The following UNC13C variants were observed in gnomAD, a reference collection of about 807,000 sequenced individuals.
The protein encoded by UNC13C is unc-13 homolog C.
A neutral mutation model predicts 245.4 loss-of-function variants in UNC13C; 174 were observed. That is an observed-to-expected ratio of 0.71 (90% CI 0.63 to 0.80). UNC13C has a LOEUF of 0.80. UNC13C is among the 30% of genes least tolerant of loss of function. The pLI, the probability that UNC13C is intolerant of heterozygous loss-of-function variation, is 0.00. For synonymous variants in UNC13C, 992 were observed against 895.1 expected (o/e 1.11, Z -1.93); for missense variants, 2,829 against 2,602.9 (o/e 1.09, Z -1.89).
chr15:54,267,897 T>C (rs1008466954), intron 10 of UNC13C, among the ~76,000 whole-genome samples: 1 of 152,062 alleles, frequency 6.6e-6, no homozygotes, highest in Non-Finnish European at 1.5e-5. Context: ...ATATTAGGCC[T>C]CCTGAAGTTG....
chr15:54,594,970 C>G (rs1898996934), intron 30 of UNC13C, among the ~76,000 whole-genome samples: 1 of 152,168 alleles, frequency 6.6e-6, no homozygotes, highest in Non-Finnish European at 1.5e-5. Context: ...TTTACAAGCT[C>G]TTTGTTCTTA....
intron 4 of UNC13C, among the ~76,000 whole-genome samples, chr15:54,214,502 C>G (rs2034980704): frequency 6.6e-6 from 1 of 151,908 alleles, no homozygotes; most frequent in African/African-American, 2.4e-5. Flanking sequence ...GTCTGACAAC[C>G]ACTTAATAGT....
intron 1 of UNC13C, among the ~76,000 whole-genome samples, chr15:54,010,746 A>G (rs975259787): frequency 1.3e-5 from 2 of 152,208 alleles, no homozygotes; most frequent in Non-Finnish European, 2.9e-5. Context: ...TACAATTGCC[A>G]TAGTCTAGAT....
chr15:54,041,756 A>G (rs74016057), intron 2 of UNC13C, among the ~76,000 whole-genome samples: 4,916 of 152,322 alleles, frequency 0.032, 91 homozygotes, highest in South Asian at 0.1. Flanking sequence ...TAAATTACTT[A>G]GTATAGATAA....
intron 17 of UNC13C, among the ~76,000 whole-genome samples, chr15:54,374,045 T>G (rs1209982499): frequency 6.6e-6 from 1 of 152,146 alleles, no homozygotes; most frequent in African/African-American, 2.4e-5. Context: ...TGCTTAGCTC[T>G]CAGCTGAAAG....
chr15:53,882,886 G>A, the UNC13C span, among the ~76,000 whole-genome samples: 31 of 152,020 alleles, frequency 2.0e-4, no homozygotes, highest in African/African-American at 6.8e-4. Context: ...CACACACTGG[G>A]GCCTATCAGA....
chr15:54,581,866 G>T (rs1898217242), intron 30 of UNC13C, among the ~76,000 whole-genome samples: 2 of 152,164 alleles, frequency 1.3e-5, no homozygotes, highest in South Asian at 2.1e-4. Context: ...GCAAGTGAAT[G>T]GAGGGGAGAT....
intron 31 of UNC13C, 84 bp from the exon 32 acceptor site, chr15:54,623,711 T>A: frequency 1.6e-6 from 2 of 1,286,476 alleles, no homozygotes; most frequent in Non-Finnish European, 2.2e-6. Flanking sequence ...ATTATTAAGT[T>A]TTGGCTTCAT....
At chr15:54,435,815 T>C (rs189591888) in intron 19 of UNC13C, among the ~76,000 whole-genome samples, 99 of 151,708 alleles carry the variant, frequency 6.5e-4, no homozygotes, top group African/African-American at 2.3e-3. Flanking sequence ...GAGAAAACTT[T>C]TGCAATCTAT....
At chr15:54,576,856 T>C (rs1897975659) in intron 30 of UNC13C, among the ~76,000 whole-genome samples, 1 of 152,234 alleles carries the variant, frequency 6.6e-6, no homozygotes, top group East Asian at 1.9e-4. Context: ...ATATTCATCT[T>C]TGAAATCTAA....
At chr15:54,044,973 A>G (rs1896970276) in intron 2 of UNC13C, among the ~76,000 whole-genome samples, 1 of 152,084 alleles carries the variant, frequency 6.6e-6, no homozygotes, top group Non-Finnish European at 1.5e-5. Context: ...TTCTAGTTAC[A>G]AGTCCCTTAT....
chr15:54,055,592 T>C (rs1284178918), intron 2 of UNC13C, among the ~76,000 whole-genome samples: 1 of 152,222 alleles, frequency 6.6e-6, no homozygotes, highest in African/African-American at 2.4e-5. Context: ...TTTGATGCTT[T>C]TTCTTACCAT....
chr15:54,357,657 T>G (rs1016247722), intron 17 of UNC13C, among the ~76,000 whole-genome samples: 1 of 152,048 alleles, frequency 6.6e-6, no homozygotes, highest in Middle Eastern at 3.4e-3. Context: ...ATTAGACATA[T>G]TAGGAGGTAT....
chr15:54,249,892 G>A (rs2036098081), intron 7 of UNC13C, among the ~76,000 whole-genome samples: 3 of 152,234 alleles, frequency 2.0e-5, no homozygotes, highest in African/African-American at 4.8e-5. Context: ...TAAAAGAGGC[G>A]TTGGGTTTAC....
chr15:54,119,207 T>C (rs2030492932), intron 2 of UNC13C, among the ~76,000 whole-genome samples: 1 of 152,134 alleles, frequency 6.6e-6, no homozygotes, highest in Non-Finnish European at 1.5e-5. Flanking sequence ...TGAAAGATAT[T>C]GCGTTTTTTT....
At chr15:54,031,850 GTTA>G (rs1369403689) in intron 2 of UNC13C, among the ~76,000 whole-genome samples, 1 of 152,194 alleles carries the variant, frequency 6.6e-6, no homozygotes, top group Non-Finnish European at 1.5e-5. Context: ...ACATGGTCAT[GTTA>G]TTATCAAAAC....
chr15:54,577,123 T>A (rs189985549), intron 30 of UNC13C, among the ~76,000 whole-genome samples: 2 of 152,258 alleles, frequency 1.3e-5, no homozygotes, highest in Admixed American at 6.5e-5. Flanking sequence ...TACTATTCAC[T>A]AATTATCATA....
intron 2 of UNC13C, among the ~76,000 whole-genome samples, chr15:54,118,399 C>A (rs1199200297): frequency 6.6e-6 from 1 of 151,516 alleles, no homozygotes; most frequent in Non-Finnish European, 1.5e-5. Flanking sequence ...TAAGTATTTT[C>A]TTCTTGTAGC....
In UNC13C at chr15:54,376,342, G is replaced by A. The variant is rs534962811; in HGVS notation, c.4714-16706G>A. ...AAGATTCCTCTAAAGACAAAAAGGG[G>A]TTTTAAGAAGATAACAATGACAGAA... On this transcript the variant is annotated intron_variant, in intron 17 of 32. Coordinates refer to ENST00000260323, the MANE Select transcript of UNC13C (RefSeq NM_001080534.3). 1.2e-4 allele frequency among the ~76,000 whole-genome samples: 19 copies of A among 152,246 alleles called. No homozygotes were observed. The South Asian group carries it at 3.3e-3, about 27-fold the overall frequency.
Sources: allele counts gnomAD v4.1 joint callset (sites outside exome capture counted in the v4.1 genomes callset), GRCh38; gene constraint gnomAD v4.1.1; transcripts MANE v1.5; gene names NCBI Gene and HGNC (gene_info 2026-07-23, HGNC 2026-07-21).